Variants in MYT1L observed in about 807,000 individuals in gnomAD.
MYT1L encodes the protein myelin transcription factor 1-like protein.
In MYT1L, 12 loss-of-function variants were observed where a neutral mutation model predicts 126.7. That is an observed-to-expected ratio of 0.09 (90% CI 0.06 to 0.15). MYT1L has a LOEUF of 0.15. Ranked by LOEUF, MYT1L falls within the 10% of genes least tolerant of loss-of-function variation. The pLI is 1.00. For missense variants in MYT1L, 979 were observed against 1,585.2 expected (o/e 0.62, Z 6.49); for synonymous variants, 541 against 604.2 (o/e 0.90, Z 1.53).
intron 8 of MYT1L, among the ~76,000 whole-genome samples, chr2:1,967,302 C>G (rs1181044983): frequency 6.6e-6 from 1 of 152,200 alleles, no homozygotes; most frequent in African/African-American, 2.4e-5. Context: ...GGTTGGTGCC[C>G]TCTTCCCTAT....
chr2:1,989,586 T>C (rs1388841991), intron 5 of MYT1L, among the ~76,000 whole-genome samples: 2 of 152,198 alleles, frequency 1.3e-5, no homozygotes, highest in Non-Finnish European at 2.9e-5. Context: ...GGAAATAATT[T>C]AGTTAAGAGT....
intron 2 of MYT1L, among the ~76,000 whole-genome samples, chr2:2,229,261 T>C (rs2094101276): frequency 6.6e-6 from 1 of 152,188 alleles, no homozygotes; most frequent in South Asian, 2.1e-4. Context: ...TGCTTCATTC[T>C]TTTTTTAAAA....
chr2:1,932,533 G>T (rs2055149342), intron 9 of MYT1L, among the ~76,000 whole-genome samples: 1 of 152,210 alleles, frequency 6.6e-6, no homozygotes, highest in Non-Finnish European at 1.5e-5. Context: ...TGTAGTCATG[G>T]CTGTTCCATT....
intron 3 of MYT1L, among the ~76,000 whole-genome samples, chr2:2,158,879 G>A (rs2087254121): frequency 1.3e-5 from 2 of 150,402 alleles, no homozygotes; most frequent in Non-Finnish European, 2.9e-5. Flanking sequence ...ATGGGGTGGG[G>A]TGAATGCTGG....
At chr2:2,158,550 C>T (rs2087139064) in intron 3 of MYT1L, among the ~76,000 whole-genome samples, 1 of 152,012 alleles carries the variant, frequency 6.6e-6, no homozygotes, top group South Asian at 2.1e-4. Context: ...AATCAAAATG[C>T]AATTCATATC....
At chr2:2,023,305 T>C (rs2065211996) in intron 4 of MYT1L, among the ~76,000 whole-genome samples, 1 of 152,190 alleles carries the variant, frequency 6.6e-6, no homozygotes. Context: ...GTGCATGAAC[T>C]GTTCATCTCA....
At chr2:2,283,415 G>T (rs2095477177) in intron 2 of MYT1L, among the ~76,000 whole-genome samples, 1 of 152,214 alleles carries the variant, frequency 6.6e-6, no homozygotes, top group South Asian at 2.1e-4. Context: ...GAGAGGATAA[G>T]TTTCTAAAGA....
intron 1 of MYT1L, among the ~76,000 whole-genome samples, chr2:2,309,311 C>A (rs906227874): frequency 1.3e-5 from 2 of 151,002 alleles, no homozygotes; most frequent in Non-Finnish European, 3.0e-5. Flanking sequence ...ACCTACACTT[C>A]AGTATACTCT....
intron 4 of MYT1L, among the ~76,000 whole-genome samples, chr2:2,046,185 C>T (rs534716791): frequency 9.3e-4 from 142 of 152,362 alleles, no homozygotes; most frequent in African/African-American, 3.1e-3. Flanking sequence ...TCTGAGACAA[C>T]CTGTCCTGTG....
Position 2,331,148 on chromosome 2 carries a change from A to T in MYT1L, c.-702T>A, listed in dbSNP as rs1375974798. ...CTTTTTGTCTTCAGTGAGTATGGAT[A>T]TCATAACCCATAGTCCAGGGAATGA... On this transcript the variant is annotated 5_prime_UTR_variant, in exon 1 of 25. Coordinates refer to ENST00000647738, the MANE Select transcript of MYT1L (RefSeq NM_001303052.2). 1 of 152,124 alleles carries T rather than the reference A, an allele frequency of 6.6e-6. No individual in the cohort carries two copies. The highest frequency in any genetic ancestry group is 6.5e-5 in the Admixed American group (1 of 15,276). 9.4% of individuals were successfully genotyped at this position (152,124 alleles called of 1,614,324 possible).
At chr2:1,901,332 G>A (rs1056543688) in intron 14 of MYT1L, among the ~76,000 whole-genome samples, 3 of 152,154 alleles carry the variant, frequency 2.0e-5, no homozygotes, top group South Asian at 2.1e-4. Flanking sequence ...CCGGTAGAAC[G>A]TCAATGAATT....
At position 1,989,751 on chromosome 2, in the gene MYT1L, C is replaced by G. The variant is rs533558961; in HGVS notation, c.-1+7440G>C. On this transcript the variant is annotated intron_variant, in intron 5 of 24. Transcript: ENST00000647738. ...GTGGCTCACACCTGTAATCCCAGCA[C>G]TTTGGGAGGCCAAGGTAGGTGGATC... Among the ~76,000 whole-genome samples the G allele has an allele frequency of 2.6e-5, 4 of 152,294 alleles. No individual in the cohort carries two copies. The East Asian group carries it at 7.7e-4, about 29-fold the overall frequency.
At chr2:1,955,344 A>G (rs1056866822) in intron 8 of MYT1L, among the ~76,000 whole-genome samples, 4 of 152,072 alleles carry the variant, frequency 2.6e-5, no homozygotes, top group African/African-American at 4.8e-5. Context: ...AGATATCTCT[A>G]TTTTTACTTT....
chr2:1,880,045 C>T (rs1338666838), intron 18 of MYT1L, among the ~76,000 whole-genome samples: 1 of 152,224 alleles, frequency 6.6e-6, no homozygotes, highest in Admixed American at 6.5e-5. Context: ...ACAAAGCCAG[C>T]TTCAGTGAAC....
chr2:1,793,670 C>T lies in MYT1L; in HGVS notation c.3277-1206G>A, dbSNP rs77641204. Among the ~76,000 whole-genome samples the T allele has an allele frequency of 4.6e-3, 696 of 152,260 alleles. 39 individuals are homozygous for T. The East Asian group carries it at 0.12, about 27-fold the overall frequency. ...CCCTCCAGGATGAAGTGGGGAGGGCCGGCCTTCTCCTTGGAAGGAATCGCA... is the reference window on the plus strand; with the variant it reads ...CCCTCCAGGATGAAGTGGGGAGGGCTGGCCTTCTCCTTGGAAGGAATCGCA... On this transcript the variant is annotated intron_variant, in intron 23 of 24. Transcript: ENST00000647738. The surrounding 1 kb of genome is among the most constrained non-coding windows in gnomAD (Gnocchi z 4.6).
At chr2:1,865,422 T>C (rs1000985990) in intron 18 of MYT1L, among the ~76,000 whole-genome samples, 8 of 152,258 alleles carry the variant, frequency 5.3e-5, no homozygotes, top group African/African-American at 1.9e-4. Context: ...GGCTCTGCCA[T>C]TCCCTTGGTG....
intron 2 of MYT1L, among the ~76,000 whole-genome samples, chr2:2,218,097 A>C (rs533347616): frequency 6.6e-6 from 1 of 152,230 alleles, no homozygotes; most frequent in African/African-American, 2.4e-5. Context: ...TGGAGGAATA[A>C]GAGAGCTCAT....
intron 3 of MYT1L, among the ~76,000 whole-genome samples, chr2:2,154,491 A>G (rs1304839021): frequency 6.6e-6 from 1 of 152,250 alleles, no homozygotes; most frequent in Non-Finnish European, 1.5e-5. Flanking sequence ...ATGGAATACT[A>G]TGCAGCTATA....
Position 1,887,831 on chromosome 2 carries a change from G to T in MYT1L, c.2521-222C>A, listed in dbSNP as rs1268773290. Among the ~76,000 whole-genome samples, 1 of 152,094 alleles carries T rather than the reference G, an allele frequency of 6.6e-6. No homozygotes were observed. Among genetic ancestry groups the T allele is most frequent in the African/African-American group, 2.4e-5 (1 of 41,388 alleles). The stretch of plus-strand genomic sequence containing the variant: ...ATGATGGTCACCTGTCAGTGGTCAG[G>T]GCCCTTATTCAATATTCACCTGGCT... On this transcript the variant is annotated intron_variant, in intron 16 of 24. Transcript: ENST00000647738. The surrounding 1 kb of genome is among the most constrained non-coding windows in gnomAD (Gnocchi z 4.8).
Sources: allele counts gnomAD v4.1 joint callset (sites outside exome capture counted in the v4.1 genomes callset), GRCh38; gene constraint gnomAD v4.1.1; non-coding constraint Gnocchi (gnomAD v3.1); transcripts MANE v1.5; gene names NCBI Gene and HGNC (gene_info 2026-07-23, HGNC 2026-07-21).